Variants in GFPT1 observed in about 807,000 individuals in gnomAD.
The protein encoded by GFPT1 is glutamine--fructose-6-phosphate transaminase 1, also known as glutamine--fructose-6-phosphate aminotransferase [isomerizing] 1.
GFPT1 carries 40 observed loss-of-function variants against 92.0 expected under a neutral mutation model. The observed-to-expected ratio is 0.43, with a 90% CI of 0.34 to 0.57. The LOEUF (loss-of-function observed/expected upper bound fraction) is 0.57. GFPT1 is among the 20% of genes least tolerant of loss of function. GFPT1 has a pLI of 0.02. For synonymous variants in GFPT1, 269 were observed against 280.6 expected, an observed-to-expected ratio of 0.96 and a Z score of 0.41; for missense variants, 448 against 869.1, an observed-to-expected ratio of 0.52 and a Z score of 6.09.
At chr2:69,364,009 G>C (rs550699861) in intron 3 of GFPT1, among the ~76,000 whole-genome samples, 20 of 152,084 alleles carry the variant, frequency 1.3e-4, no homozygotes, top group Admixed American at 2.6e-4. Context: ...TGGCTACTCC[G>C]GAGGCAGAGG....
chr2:69,339,844 A>G lies in GFPT1; in HGVS notation c.1204-1279T>C, dbSNP rs563666379. 2.6e-5 allele frequency among the ~76,000 whole-genome samples: 4 copies of G among 152,282 alleles called. No homozygotes were observed. In the South Asian group the frequency reaches 6.2e-4, roughly 24 times the overall value. On this transcript the variant is annotated intron_variant, in intron 13 of 19. Coordinates refer to ENST00000357308, the MANE Select transcript of GFPT1 (RefSeq NM_001244710.2). ...TGTAAAGAAAATCATTGAAGATAAA[A>G]TGCTCCTATTTTTTATTATTCTTTT...
intron 1 of GFPT1, among the ~76,000 whole-genome samples, chr2:69,381,744 G>A (rs1253324556): frequency 6.6e-6 from 1 of 151,160 alleles, no homozygotes; most frequent in Non-Finnish European, 1.5e-5. Flanking sequence ...AATAGAGATG[G>A]GATCTCACTA....
In GFPT1 at chr2:69,344,810, A is replaced by C. The variant is rs576626387; in HGVS notation, c.1105+1094T>G. Among the ~76,000 whole-genome samples the C allele has an allele frequency of 6.6e-5, 10 of 151,758 alleles. No individual in the cohort carries two copies. The East Asian group carries it at 1.4e-3, about 21-fold the overall frequency. ...AGGCACCCACCACCACACCCAGCTAATTTTTTAAAAATTTTTAGTAAAAAG... is the reference window on the plus strand; with the variant it reads ...AGGCACCCACCACCACACCCAGCTACTTTTTTAAAAATTTTTAGTAAAAAG... On this transcript the variant is annotated intron_variant, in intron 12 of 19. Coordinates refer to ENST00000357308, the MANE Select transcript of GFPT1 (RefSeq NM_001244710.2).
intron 7 of GFPT1, among the ~76,000 whole-genome samples, 169 bp downstream of exon 7, chr2:69,356,327 G>C (rs1485874235): frequency 6.6e-6 from 1 of 152,110 alleles, no homozygotes; most frequent in African/African-American, 2.4e-5. Flanking sequence ...CTGTTAAATG[G>C]AAGAGTGGTA....
intron 13 of GFPT1, among the ~76,000 whole-genome samples, chr2:69,339,075 C>T (rs541287851): frequency 2.0e-5 from 3 of 152,260 alleles, no homozygotes; most frequent in East Asian, 1.9e-4. Flanking sequence ...TGAGCCACTG[C>T]GCCTGGACAC....
At chr2:69,377,607 C>T (rs1019208350) in intron 1 of GFPT1, among the ~76,000 whole-genome samples, 1 of 151,970 alleles carries the variant, frequency 6.6e-6, no homozygotes, top group Non-Finnish European at 1.5e-5. Context: ...TTGCAGTGAA[C>T]CTAGACTGCA....
intron 4 of GFPT1, among the ~76,000 whole-genome samples, chr2:69,363,232 T>C (rs1482834100): frequency 1.3e-5 from 2 of 152,084 alleles, no homozygotes; most frequent in Non-Finnish European, 2.9e-5. Flanking sequence ...GTCTCCCGAG[T>C]AGCTGAGACT....
chr2:69,334,386 A>G (rs1436932985), intron 15 of GFPT1, among the ~76,000 whole-genome samples: 1 of 152,164 alleles, frequency 6.6e-6, no homozygotes, highest in Non-Finnish European at 1.5e-5. Flanking sequence ...TTTTTGAAAA[A>G]AATTAAAGTC....
intron 1 of GFPT1, among the ~76,000 whole-genome samples, chr2:69,381,255 T>A (rs1672001375): frequency 6.6e-6 from 1 of 152,218 alleles, no homozygotes; most frequent in Non-Finnish European, 1.5e-5. Flanking sequence ...AGTGCTGGGA[T>A]TATAGGCGTG....
intron 7 of GFPT1, among the ~76,000 whole-genome samples, chr2:69,354,961 G>C (rs1038143243): frequency 6.6e-6 from 1 of 152,118 alleles, no homozygotes; most frequent in African/African-American, 2.4e-5. Flanking sequence ...CCAAGATCGC[G>C]CCACTGCACT....
intron 10 of GFPT1, among the ~76,000 whole-genome samples, chr2:69,349,586 C>T (rs892867318): frequency 2.0e-5 from 3 of 152,140 alleles, no homozygotes; most frequent in African/African-American, 7.2e-5. Context: ...TGCATGTAAA[C>T]ATCCCCCTGC....
At chr2:69,338,676 G>T (rs187053292) in intron 13 of GFPT1, 111 bp from the exon 14 acceptor site, 3 of 996,738 alleles carry the variant, frequency 3.0e-6, no homozygotes, top group Non-Finnish European at 4.7e-6. Flanking sequence ...AAAATGACAC[G>T]TTAGAAAATA....
At chr2:69,382,972 A>G (rs4302256) in intron 1 of GFPT1, among the ~76,000 whole-genome samples, 58,202 of 152,058 alleles carry the variant, frequency 0.38, 11,431 homozygotes, top group Middle Eastern at 0.45. Flanking sequence ...ATCAGGCAGC[A>G]ATTTCTTGAA....
At chr2:69,351,820 T>C (rs1671213217) in intron 9 of GFPT1, among the ~76,000 whole-genome samples, 1 of 152,154 alleles carries the variant, frequency 6.6e-6, no homozygotes, top group South Asian at 2.1e-4. Context: ...GGGCTGGGAA[T>C]GAGACAAGGG....
intron 4 of GFPT1, among the ~76,000 whole-genome samples, chr2:69,361,250 C>T (rs1311258262): frequency 6.6e-6 from 1 of 151,768 alleles, no homozygotes; most frequent in African/African-American, 2.4e-5. Context: ...GAGTTCGAGA[C>T]CAGCCTAGCC....
intron 3 of GFPT1, among the ~76,000 whole-genome samples, chr2:69,365,194 C>G (rs1047981569): frequency 6.6e-6 from 1 of 151,912 alleles, no homozygotes; most frequent in Non-Finnish European, 1.5e-5. Context: ...TAAGAGCAAA[C>G]TGGCCGAGCA....
rs1414000931 is a variant in GFPT1, at chr2:69,339,483, C to A, written c.1204-918G>T. 2.6e-5 allele frequency among the ~76,000 whole-genome samples: 4 copies of A among 152,274 alleles called. No homozygotes were observed. In the South Asian group the frequency reaches 6.2e-4, roughly 24 times the overall value. On this transcript the variant is annotated intron_variant, in intron 13 of 19. Coordinates refer to ENST00000357308, the MANE Select transcript of GFPT1 (RefSeq NM_001244710.2). ...TAAATTTCCATTCTAATTATTTTTA[C>A]ACTAAACATCGGAAAATCAAAAACA...
chr2:69,319,952 T>C lies in GFPT1; in HGVS notation c.*6237A>G, dbSNP rs1393816324. 1 of 152,182 alleles carries C rather than the reference T, an allele frequency of 6.6e-6. No homozygotes were observed. The highest frequency in any genetic ancestry group is 1.5e-5 in the Non-Finnish European group (1 of 68,036). The allele number at this position is 152,182 out of a possible 1,614,324, so 9.4% of individuals were successfully genotyped here. ...ACATTCAAGTCTAGCAGAAAGAAAC[T>C]TGAAATTTAATGCAACGTTATTTCT... On this transcript the variant is annotated 3_prime_UTR_variant, in exon 20 of 20. Transcript: ENST00000357308.
intron 1 of GFPT1, 149 bp downstream of exon 1, chr2:69,386,916 C>CCCGAGCCCA: frequency 1.4e-6 from 1 of 710,248 alleles, no homozygotes; most frequent in Non-Finnish European, 2.5e-6. Flanking sequence ...GCCCCCGCCC[C>CCCGAGCCCA]CGCAGCCACC....
Sources: gnomAD v4.1 joint callset for allele counts (sites outside exome capture counted in the v4.1 genomes callset) on GRCh38, gnomAD v4.1.1 for gene constraint, MANE v1.5 for transcripts, NCBI Gene and HGNC (gene_info 2026-07-23, HGNC 2026-07-21) for gene names.